LRRC37A2: variants seen among roughly 807,000 people sequenced by gnomAD.
LRRC37A2 encodes the protein leucine-rich repeat-containing protein 37A2.
Under a neutral mutation model 68.8 loss-of-function variants are expected in LRRC37A2, and 9 were observed. That is an observed-to-expected ratio of 0.13 (90% confidence interval 0.08 to 0.23). LRRC37A2 has a LOEUF of 0.23. LRRC37A2 is among the 10% of genes least tolerant of loss of function. The pLI is 1.00. For missense variants in LRRC37A2, 168 were observed against 950.4 expected, an observed-to-expected ratio of 0.18 and a Z score of 10.82; for synonymous variants, 63 against 367.6, an observed-to-expected ratio of 0.17 and a Z score of 9.48.
the LRRC37A2 span, chr17:46,851,663 C>CA: frequency 1.5e-6 from 2 of 1,302,706 alleles, no homozygotes; most frequent in Non-Finnish European, 1.9e-6. The surrounding 1 kb of genome is among the most constrained non-coding windows in gnomAD (Gnocchi z 4.3). Flanking sequence ...CGCGCTGGCC[C>CA]TGGCCGGGCT....
the LRRC37A2 span, among the ~76,000 whole-genome samples, chr17:47,016,207 G>A: frequency 6.6e-6 from 1 of 151,962 alleles, no homozygotes; most frequent in Non-Finnish European, 1.5e-5. Context: ...GCCTCCCAAA[G>A]TTCTGGGATT....
the LRRC37A2 span, chr17:47,019,545 C>T: frequency 1.2e-5 from 18 of 1,493,768 alleles, no homozygotes; most frequent in East Asian, 6.8e-5. Flanking sequence ...GACTCTGCAT[C>T]GAAAACTGAC....
chr17:46,783,121 G>A, the LRRC37A2 span, among the ~76,000 whole-genome samples: 1 of 152,230 alleles, frequency 6.6e-6, no homozygotes. Flanking sequence ...TGCATCTCCA[G>A]CAGGGGTGGG....
chr17:46,809,880 C>G, the LRRC37A2 span, among the ~76,000 whole-genome samples: 1 of 152,168 alleles, frequency 6.6e-6, no homozygotes, highest in Non-Finnish European at 1.5e-5. Context: ...CTGTCCAGCC[C>G]CACTTCTTCC....
At chr17:46,860,819 G>A in the LRRC37A2 span, among the ~76,000 whole-genome samples, 1 of 152,290 alleles carries the variant, frequency 6.6e-6, no homozygotes, top group South Asian at 2.1e-4. Context: ...AACCCAGGAG[G>A]TAGGTGCTGA....
Position 46,529,462 on chromosome 17 carries a change from A to G in LRRC37A2, c.2906+5578A>G, listed in dbSNP as rs551826647. Among the ~76,000 whole-genome samples the G allele has an allele frequency of 2.0e-4, 21 of 107,406 alleles. 3 individuals carry two copies. The highest frequency in any genetic ancestry group is 5.7e-4 in the African/African-American group (18 of 31,388). 70.5% of individuals were successfully genotyped at this position (107,406 alleles called of 152,430 possible). ...GAGTCAGTGCACCTTAGTTTAATGT[A>G]TAAAATGAAGGACTTGAACCAGAAA... is the stretch of plus-strand genomic sequence containing the variant. On this transcript the variant is annotated intron_variant, in intron 6 of 14. Coordinates refer to ENST00000576629, the Ensembl canonical transcript of LRRC37A2.
chr17:47,008,110 A>AT, the LRRC37A2 span, among the ~76,000 whole-genome samples: 2 of 149,114 alleles, frequency 1.3e-5, no homozygotes, highest in Non-Finnish European at 3.0e-5. Context: ...AAATTTAATT[A>AT]ATTTTTTTTT....
the LRRC37A2 span, chr17:46,713,388 A>G: frequency 6.5e-6 from 1 of 154,820 alleles, no homozygotes; most frequent in Non-Finnish European, 1.4e-5. Context: ...GCTTGCCTTT[A>G]TGAGAAGGCC....
At chr17:46,413,491 C>A in the LRRC37A2 span, among the ~76,000 whole-genome samples, 1 of 18,142 alleles carries the variant, frequency 5.5e-5, no homozygotes, top group African/African-American at 6.6e-5. Flanking sequence ...TACACACACA[C>A]ACACACACAC....
chr17:46,875,490 C>A, the LRRC37A2 span: 1 of 1,316,070 alleles, frequency 7.6e-7, no homozygotes. Flanking sequence ...TTCATAAAGG[C>A]AGGATGAACT....
At chr17:46,879,007 C>T in the LRRC37A2 span, among the ~76,000 whole-genome samples, 1 of 152,156 alleles carries the variant, frequency 6.6e-6, no homozygotes, top group African/African-American at 2.4e-5. Flanking sequence ...CCTCTTGGGG[C>T]CCCTGGGGAC....
chr17:46,500,868 A>G, the LRRC37A2 span, among the ~76,000 whole-genome samples: 1 of 150,948 alleles, frequency 6.6e-6, no homozygotes, highest in Non-Finnish European at 1.5e-5. Flanking sequence ...AAACAGCACA[A>G]CCTGGGAATT....
At chr17:46,918,446 C>CA in the LRRC37A2 span, among the ~76,000 whole-genome samples, 353 of 152,288 alleles carry the variant, frequency 2.3e-3, 1 homozygote, top group African/African-American at 8.2e-3. Context: ...TGGGGCTCCA[C>CA]AAAACCTAGA....
At chr17:46,410,044 A>T in the LRRC37A2 span, among the ~76,000 whole-genome samples, 1 of 104,642 alleles carries the variant, frequency 9.6e-6, no homozygotes, top group Non-Finnish European at 2.1e-5. Flanking sequence ...TAAGTAATGT[A>T]AATGGAATTC....
chr17:46,461,990 T>C, the LRRC37A2 span, among the ~76,000 whole-genome samples: 1 of 71,792 alleles, frequency 1.4e-5, no homozygotes, highest in Non-Finnish European at 3.6e-5. Context: ...AAAGTGAAAC[T>C]CCATGTCAAA....
At chr17:46,978,850 G>T in the LRRC37A2 span, 1 of 1,594,528 alleles carries the variant, frequency 6.3e-7, no homozygotes, top group Non-Finnish European at 8.5e-7. Context: ...CGCCAGCCCC[G>T]CGGGGACCCC....
the LRRC37A2 span, among the ~76,000 whole-genome samples, chr17:46,625,985 A>G: frequency 2.7e-5 from 4 of 148,046 alleles, no homozygotes; most frequent in African/African-American, 1.0e-4. Context: ...GGAGATTATC[A>G]TGAGAGGACT....
chr17:46,489,821 C>G, the LRRC37A2 span, among the ~76,000 whole-genome samples: 1 of 150,602 alleles, frequency 6.6e-6, no homozygotes, highest in Admixed American at 6.6e-5. Flanking sequence ...TTCTAGTCTA[C>G]TAAGGTTTAC....
chr17:46,818,552 C>T, the LRRC37A2 span: 2 of 1,609,152 alleles, frequency 1.2e-6, no homozygotes, highest in Non-Finnish European at 1.7e-6. Flanking sequence ...ACCCTGGTGC[C>T]ACCGAGCAGG....
Sources: gnomAD v4.1 joint callset for allele counts (sites outside exome capture counted in the v4.1 genomes callset) on GRCh38, gnomAD v4.1.1 for gene constraint, Gnocchi (gnomAD v3.1) non-coding constraint, MANE v1.5 for transcripts, NCBI Gene and HGNC (gene_info 2026-07-23, HGNC 2026-07-21) for gene names.